Variants in ATL1 observed in about 807,000 individuals in gnomAD.
The protein encoded by ATL1 is atlastin-1.
ATL1 carries 31 observed loss-of-function variants against 75.5 expected under a neutral mutation model. The ratio of observed to expected loss-of-function variants is 0.41; its 90% confidence interval spans 0.31 to 0.55. ATL1 has a LOEUF of 0.55. Among genes scored for constraint, ATL1 ranks in the 20% least tolerant of loss-of-function variants. ATL1 has a pLI of 0.27. For missense variants in ATL1, 405 were observed against 662.6 expected, an observed-to-expected ratio of 0.61 and a Z score of 4.27; for synonymous variants, 226 against 233.3, an observed-to-expected ratio of 0.97 and a Z score of 0.28.
intron 1 of ATL1, 53 bp from the exon 2 acceptor site, chr14:50,587,777 AT>A: frequency 6.2e-7 from 1 of 1,613,032 alleles, no homozygotes; most frequent in South Asian, 1.1e-5. Context: ...GTACATATAC[AT>A]TTCTTGGCAC....
At chr14:50,589,007 A>G (rs866730426) in intron 2 of ATL1, among the ~76,000 whole-genome samples, 10 of 152,318 alleles carry the variant, frequency 6.6e-5, no homozygotes, top group South Asian at 2.1e-4. Context: ...GCTAGGCACT[A>G]TGGTGGATAC....
chr14:50,560,527 G>A (rs889102011), intron 1 of ATL1: 5 of 588,414 alleles, frequency 8.5e-6, no homozygotes, highest in Non-Finnish European at 6.0e-6. Context: ...CGCGCAGGCC[G>A]GGCCTCCAGC....
At chr14:50,589,029 T>C (rs1284821951) in intron 2 of ATL1, among the ~76,000 whole-genome samples, 1 of 152,088 alleles carries the variant, frequency 6.6e-6, no homozygotes, top group African/African-American at 2.4e-5. Flanking sequence ...AAAGAAAACA[T>C]ACCATAGATT....
chr14:50,625,890 G>A (rs2039515058), intron 11 of ATL1, among the ~76,000 whole-genome samples: 2 of 141,928 alleles, frequency 1.4e-5, no homozygotes, highest in Admixed American at 1.5e-4. Flanking sequence ...GTGACAGAGT[G>A]AGACCCGTCT....
chr14:50,546,166 AAAATC>A (rs1437818966), intron 1 of ATL1, among the ~76,000 whole-genome samples: 2 of 152,224 alleles, frequency 1.3e-5, no homozygotes, highest in East Asian at 3.8e-4. Flanking sequence ...AGTTTTTTAA[AAAATC>A]AAACTGCTAT....
Position 50,590,964 on chromosome 14 carries a change from C to T in ATL1, c.306C>T (p.Asp102=), listed in dbSNP as rs145204580. 3.1e-6 allele frequency: 5 copies of T among 1,613,834 alleles called. No individual in the cohort carries two copies. Among genetic ancestry groups the T allele is most frequent in the Non-Finnish European group, 4.2e-6 (5 of 1,179,862 alleles). Residue 102 remains aspartate, a synonymous_variant, in exon 3 of 14, where the codon GAC becomes GAT. Transcript: ENST00000358385. ...AGGAATCAGTTGATTGGGTTGGAGA[C>T]TACAATGAACCATTGACTGGTTTTT... ...YNQESVDWVG[D]YNEPLTGFSW... is the part of the protein sequence containing the mutation.
intron 2 of ATL1, 141 bp downstream of exon 2, chr14:50,588,219 C>T (rs1052379602): frequency 9.1e-6 from 10 of 1,097,368 alleles, no homozygotes; most frequent in Non-Finnish European, 2.6e-6. Context: ...TGTGGTGTAA[C>T]CATTCCAACC....
intron 1 of ATL1, among the ~76,000 whole-genome samples, chr14:50,546,136 A>G (rs1190375344): frequency 6.6e-6 from 1 of 152,094 alleles, no homozygotes; most frequent in Non-Finnish European, 1.5e-5. Context: ...GAAACTGAAG[A>G]AAAAAAAGAG....
Position 50,621,831 on chromosome 14 carries a change from C to CTTT in ATL1, c.991-5_991-3dup. ...GAATTGCTTGAACATGAATCTTTTT[C>CTTT]TTTTTTTTTAGGCTTATATAAAGAT... On this transcript the variant is annotated splice_polypyrimidine_tract_variant and intron_variant, in intron 9 of 13. Transcript: ENST00000358385. 6.6e-7 allele frequency: 1 copy of CTTT among 1,509,576 alleles called. No individual in the cohort carries two copies. Among genetic ancestry groups the CTTT allele is most frequent in the South Asian group, 1.2e-5 (1 of 86,892 alleles). 93.5% of individuals were successfully genotyped at this position (1,509,576 alleles called of 1,614,324 possible). A position where few individuals can be genotyped will look rare whatever the true frequency, so the allele number is the denominator to read the frequency against.
At chr14:50,632,015 C>T in intron 13 of ATL1, 1 of 380,098 alleles carries the variant, frequency 2.6e-6, no homozygotes, top group East Asian at 4.9e-5. Flanking sequence ...GAGAATAAAA[C>T]ATTCACCACA....
chr14:50,535,846 C>T (rs918057431), intron 1 of ATL1, among the ~76,000 whole-genome samples: 1 of 152,174 alleles, frequency 6.6e-6, no homozygotes, highest in East Asian at 1.9e-4. Flanking sequence ...CTTGAATTCC[C>T]ACGTGTTGTG....
intron 1 of ATL1, among the ~76,000 whole-genome samples, chr14:50,541,526 AC>A (rs2038559822): frequency 6.6e-6 from 1 of 152,130 alleles, no homozygotes; most frequent in African/African-American, 2.4e-5. Context: ...CTACTCTTTG[AC>A]CCATGTAACC....
At chr14:50,561,628 A>G (rs1181870663) in intron 1 of ATL1, among the ~76,000 whole-genome samples, 2 of 152,152 alleles carry the variant, frequency 1.3e-5, no homozygotes, top group Admixed American at 1.3e-4. Flanking sequence ...GATACGGTAG[A>G]CAAGGTTTAC....
intron 1 of ATL1, among the ~76,000 whole-genome samples, chr14:50,544,481 G>C (rs2038603025): frequency 6.6e-6 from 1 of 152,196 alleles, no homozygotes; most frequent in Admixed American, 6.5e-5. Context: ...GACACAGGAG[G>C]AAAAGTCTGC....
At position 50,584,303 on chromosome 14, in the gene ATL1, A is replaced by G. The variant is rs138172932; in HGVS notation, c.35-3528A>G. ...TGAGGTGGGAGGATCGATTGAGCTCAGGAAGCAGAGGTTGCAGTGAGCTGA... is the reference window on the plus strand; with the variant it reads ...TGAGGTGGGAGGATCGATTGAGCTCGGGAAGCAGAGGTTGCAGTGAGCTGA... On this transcript the variant is annotated intron_variant, in intron 1 of 13. Coordinates refer to ENST00000358385, the MANE Select transcript of ATL1 (RefSeq NM_015915.5). Among the ~76,000 whole-genome samples, 264 of 152,322 alleles carry G rather than the reference A, an allele frequency of 1.7e-3. 1 individual carries two copies. The highest frequency in any genetic ancestry group is 3.3e-3 in the South Asian group (16 of 4,832).
chr14:50,628,601 A>T (rs557779829), intron 12 of ATL1, 139 bp downstream of exon 12: 1 of 831,996 alleles, frequency 1.2e-6, no homozygotes, highest in East Asian at 2.6e-5. Context: ...ACCTGCCCAG[A>T]TACAAGCAAC....
chr14:50,622,477 C>T (rs149528936), intron 10 of ATL1, among the ~76,000 whole-genome samples: 1,853 of 152,158 alleles, frequency 0.012, 42 homozygotes, highest in African/African-American at 0.042. Flanking sequence ...ACCAGCCTAG[C>T]CAGCATGGTG....
rs534709763 is a variant in ATL1 at position 50,535,054 on chromosome 14, G to A, written c.-140+1687G>A. 1.1e-4 allele frequency among the ~76,000 whole-genome samples: 17 copies of A among 152,266 alleles called. No individual in the cohort carries two copies. The South Asian group carries it at 3.5e-3, about 32-fold the overall frequency. On this transcript the variant is annotated intron_variant, in intron 1 of 13. Coordinates refer to the ATL1 transcript ENST00000441560. ...GAATAAGAATAAATATGGCTTGATA[G>A]GTCCTTCATTCCAACCTAATTGTCA...
chr14:50,592,946 A>ATATGTGTGTG (rs71441294), intron 4 of ATL1, among the ~76,000 whole-genome samples: 1 of 132,524 alleles, frequency 7.5e-6, no homozygotes, highest in African/African-American at 3.1e-5. Flanking sequence ...ATATATATAT[A>ATATGTGTGTG]TGTGTGTGTG....
Sources: gnomAD v4.1 joint callset for allele counts (sites outside exome capture counted in the v4.1 genomes callset) on GRCh38, gnomAD v4.1.1 for gene constraint, MANE v1.5 for transcripts, NCBI Gene and HGNC (gene_info 2026-07-23, HGNC 2026-07-21) for gene names.